CAMSAP3: variants seen among roughly 807,000 people sequenced by gnomAD.
CAMSAP3 encodes the protein calmodulin-regulated spectrin-associated protein 3.
Under a neutral mutation model 112.5 loss-of-function variants are expected in CAMSAP3, and 34 were observed. The observed-to-expected ratio is 0.30, with a 90% CI of 0.23 to 0.40. The LOEUF (loss-of-function observed/expected upper bound fraction) is 0.40, where lower values mean the gene tolerates loss of function less well. Among genes scored for constraint, CAMSAP3 ranks in the 10% least tolerant of loss-of-function variants. CAMSAP3 has a pLI of 1.00. For missense variants in CAMSAP3, 1,602 were observed against 1,770.3 expected, an observed-to-expected ratio of 0.90 and a Z score of 1.71; for synonymous variants, 868 against 799.8, an observed-to-expected ratio of 1.09 and a Z score of -1.44.
At position 7,607,695 on chromosome 19, in the gene CAMSAP3, T is replaced by C. The variant is rs1201304138; in HGVS notation, c.622-431T>C. 1 of 397,096 alleles carries C rather than the reference T, an allele frequency of 2.5e-6. No individual in the cohort carries two copies. Among genetic ancestry groups the C allele is most frequent in the Non-Finnish European group, 4.7e-6 (1 of 213,572 alleles). 24.6% of individuals were successfully genotyped at this position (397,096 alleles called of 1,614,324 possible). On this transcript the variant is annotated intron_variant, in intron 4 of 16. Coordinates refer to ENST00000160298, the MANE Select transcript of CAMSAP3 (RefSeq NM_020902.2). The surrounding 1 kb of genome is among the most constrained non-coding windows in gnomAD (Gnocchi z 4.9). ...GGGTTCGCGAAGCCGGCCAGAGCAG[T>C]CAGGGAGCTGGACGGCCGGGGCTCA... is the stretch of plus-strand genomic sequence containing the variant.
intron 1 of CAMSAP3, among the ~76,000 whole-genome samples, chr19:7,604,863 T>C (rs1284267018): frequency 2.0e-5 from 3 of 152,128 alleles, no homozygotes; most frequent in Non-Finnish European, 2.9e-5. Context: ...GCTCTTAGGA[T>C]TGCCGATGTT....
At position 7,615,762 on chromosome 19, in the gene CAMSAP3, G is replaced by A. The variant is rs2030750868; in HGVS notation, c.3112+43G>A. 8 of 1,327,926 alleles carry A rather than the reference G, an allele frequency of 6.0e-6. No homozygotes were observed. Among genetic ancestry groups the A allele is most frequent in the Non-Finnish European group, 7.7e-6 (8 of 1,039,324 alleles). 82.3% of individuals were successfully genotyped at this position (1,327,926 alleles called of 1,614,324 possible). On this transcript the variant is annotated intron_variant, in intron 13 of 16. Transcript: ENST00000160298. This position sits in a 1 kb window ranked among gnomAD's most constrained non-coding sequence, Gnocchi z 6.5. ...ACGGGGCCTGCCCAGTGCCCTTTCC[G>A]GGGCTCACTGGGTGAGGCCCCCATG...
chr19:7,611,267 C>A lies in CAMSAP3; in HGVS notation c.1123+99C>A, dbSNP rs1162654972. On this transcript the variant is annotated intron_variant, in intron 9 of 16. Coordinates refer to ENST00000160298, the MANE Select transcript of CAMSAP3 (RefSeq NM_020902.2). The surrounding 1 kb of genome is among the most constrained non-coding windows in gnomAD (Gnocchi z 6.9). ...GTCTCCTCGTGAGCCTTCCAATAGC[C>A]TCTCCATCAGATCCCCCTTGGGCAT... 4 of 1,226,704 alleles carry A rather than the reference C, an allele frequency of 3.3e-6. No homozygotes were observed. The highest frequency in any genetic ancestry group is 4.7e-6 in the Non-Finnish European group (4 of 847,156). The allele number at this position is 1,226,704 out of a possible 1,614,324, so 76.0% of individuals were successfully genotyped here.
rs201472976 is a variant in CAMSAP3 at position 7,605,272 on chromosome 19, C to T, written c.195C>T (p.Tyr65=). The change falls in exon 2 of 17, where the codon TAC becomes TAT. Residue 65 remains tyrosine (Y), a synonymous_variant. Transcript: ENST00000160298. ...GGGAGCCCTTCTATACCGACCAGTACGCGCAGGAGCATGTGAAGCCCCCGG... is the reference window on the plus strand; with the variant it reads ...GGGAGCCCTTCTATACCGACCAGTATGCGCAGGAGCATGTGAAGCCCCCGG... ...ELWEPFYTDQ[Y]AQEHVKPPVT... The T allele has an allele frequency of 2.6e-4, 425 of 1,608,792 alleles. 5 individuals carry two copies. In the South Asian group the frequency reaches 4.3e-3, roughly 16 times the overall value.
In CAMSAP3 at chr19:7,617,378, G is replaced by A. The variant is rs549080555; in HGVS notation, c.3265G>A (p.Glu1089Lys). Reference sequence around the variant, plus strand: ...CCCAAGCCGCCTGCCTGGAAGCCGCGAACGGGACTGGGAAAATGGCAGCAA... The same window carrying A: ...CCCAAGCCGCCTGCCTGGAAGCCGCAAACGGGACTGGGAAAATGGCAGCAA... ...MSPSRLPGSR[E>K]RDWENGSNAS... The change falls in exon 15 of 17, where the codon GAA becomes AAA. Residue 1089 changes from glutamate to lysine, a missense_variant. Coordinates refer to ENST00000160298, the MANE Select transcript of CAMSAP3 (RefSeq NM_020902.2). The surrounding 1 kb of genome is among the most constrained non-coding windows in gnomAD (Gnocchi z 7.5). The A allele has an allele frequency of 4.3e-6, 7 of 1,614,048 alleles. No individual in the cohort carries two copies. Among genetic ancestry groups the A allele is most frequent in the Non-Finnish European group, 5.9e-6 (7 of 1,180,002 alleles).
intron 5 of CAMSAP3, among the ~76,000 whole-genome samples, chr19:7,609,825 G>T (rs545898352): frequency 6.6e-6 from 1 of 152,152 alleles, no homozygotes; most frequent in South Asian, 2.1e-4. Flanking sequence ...TCCCTCACAC[G>T]CCAGGTTCAC....
intron 13 of CAMSAP3, 56 bp from the exon 14 acceptor site, chr19:7,616,467 G>C (rs954287306): frequency 8.2e-7 from 1 of 1,222,150 alleles, no homozygotes; most frequent in African/African-American, 1.5e-5. Context: ...GCTGGACCGG[G>C]TGTTGTGGAG....
At chr19:7,606,819 G>A in intron 4 of CAMSAP3, 1 of 1,613,690 alleles carries the variant, frequency 6.2e-7, no homozygotes, top group South Asian at 1.1e-5. Flanking sequence ...TGTAAGTGGG[G>A]CTGTCTGTCC....
intron 5 of CAMSAP3, among the ~76,000 whole-genome samples, chr19:7,608,997 T>A (rs1454775621): frequency 9.9e-5 from 15 of 151,806 alleles, no homozygotes; most frequent in Admixed American, 7.9e-4. Flanking sequence ...AAGCTTTTTT[T>A]AAAAAAACTC....
intron 1 of CAMSAP3, among the ~76,000 whole-genome samples, chr19:7,599,412 C>A: frequency 7.0e-6 from 1 of 142,208 alleles, no homozygotes; most frequent in African/African-American, 2.6e-5. Flanking sequence ...ATTCATTCAT[C>A]CATCCATCCA....
At chr19:7,603,200 CT>C (rs199963618) in intron 1 of CAMSAP3, among the ~76,000 whole-genome samples, 1 of 149,524 alleles carries the variant, frequency 6.7e-6, no homozygotes, top group African/African-American at 2.5e-5. Context: ...TCTTTCTTTT[CT>C]TTTTTTTTCT....
At chr19:7,603,917 T>A (rs1487856951) in intron 1 of CAMSAP3, among the ~76,000 whole-genome samples, 1 of 152,146 alleles carries the variant, frequency 6.6e-6, no homozygotes, top group African/African-American at 2.4e-5. Flanking sequence ...AGCAGATCGC[T>A]TGAGGTCAGG....
chr19:7,606,149 A>ACCCCCCCCCCCCCCCCCCCC, intron 2 of CAMSAP3, 122 bp from the exon 3 acceptor site: 1 of 135,318 alleles, frequency 7.4e-6, no homozygotes. Context: ...CCGCCCCCTC[A>ACCCCCCCCCCCCCCCCCCCC]AGCCCCACCC....
chr19:7,610,951 C>T lies in CAMSAP3; in HGVS notation c.1049+20C>T, dbSNP rs775907766. ...CAGTAGGTACGCTCCCCACACTGGGCGAGTCTCTGGCATTGTGGGTGTGGG... is the reference window on the plus strand; with the variant it reads ...CAGTAGGTACGCTCCCCACACTGGGTGAGTCTCTGGCATTGTGGGTGTGGG... On this transcript the variant is annotated intron_variant, in intron 8 of 16. Transcript: ENST00000160298. This position sits in a 1 kb window ranked among gnomAD's most constrained non-coding sequence, Gnocchi z 4.9. 51 of 1,577,900 alleles carry T rather than the reference C, an allele frequency of 3.2e-5. No homozygotes were observed. The South Asian group carries it at 3.4e-4, about 11-fold the overall frequency.
chr19:7,613,002 C>G lies in CAMSAP3; in HGVS notation c.2509C>G (p.Pro837Ala), dbSNP rs1292818593. ...LLAEETPPEE[P>A]AARPGLIEIP... ...GGCGGAGGAGACGCCCCCCGAGGAG[C>G]CAGCCGCCCGGCCGGGCCTCATCGA... Residue 837 changes from proline to alanine, a missense_variant, in exon 11 of 17, where the codon CCA becomes GCA. By Grantham distance (27) the Pro-to-Ala change is conservative (BLOSUM62 -1). Coordinates refer to ENST00000160298, the MANE Select transcript of CAMSAP3 (RefSeq NM_020902.2). The G allele has an allele frequency of 1.3e-6, 2 of 1,572,072 alleles. No individual in the cohort carries two copies. Among genetic ancestry groups the G allele is most frequent in the Non-Finnish European group, 1.7e-6 (2 of 1,161,296 alleles).
Position 7,611,410 on chromosome 19 carries a change from C to T in CAMSAP3, c.1124-107C>T. The T allele has an allele frequency of 9.2e-7, 1 of 1,086,424 alleles. No homozygotes were observed. The allele number at this position is 1,086,424 out of a possible 1,614,324, so 67.3% of individuals were successfully genotyped here. The stretch of plus-strand genomic sequence containing the variant: ...TGGTCTCACTAGACCACATAATGAG[C>T]CATCAGTGACTCACCCAATGACCTT... On this transcript the variant is annotated intron_variant, in intron 9 of 16. Transcript: ENST00000160298. The surrounding 1 kb of genome is among the most constrained non-coding windows in gnomAD (Gnocchi z 6.9).
At chr19:7,601,733 A>AAAATAAAATG in intron 1 of CAMSAP3, among the ~76,000 whole-genome samples, 1 of 150,224 alleles carries the variant, frequency 6.7e-6, no homozygotes, top group Non-Finnish European at 1.5e-5. Flanking sequence ...AAAATAAAAT[A>AAAATAAAATG]AAATAAAATA....
rs2030465045 is a variant in CAMSAP3, at chr19:7,611,153, C to G, written c.1108C>G (p.Leu370Val). ...GTCATCTGGTGGCCCCCAGTCCCCACTCCGAGGATCCACAGGTGAGGAGGG... is the reference window on the plus strand; with the variant it reads ...GTCATCTGGTGGCCCCCAGTCCCCAGTCCGAGGATCCACAGGTGAGGAGGG... The part of the protein sequence containing the change: ...LLSSGGPQSP[L>V]RGSTGSLKSS... The change falls in exon 9 of 17, where the codon CTC (leucine) becomes GTC (valine). Residue 370 changes from leucine to valine, a missense_variant. Leu to Val is a conservative substitution (Grantham distance 32). Around this residue, in one of 6 missense-constraint regions of CAMSAP3, gnomAD observed 1,100 missense variants for 1,135.7 expected, o/e 0.97. Transcript: ENST00000160298. This position sits in a 1 kb window ranked among gnomAD's most constrained non-coding sequence, Gnocchi z 6.9. The G allele has an allele frequency of 6.2e-7, 1 of 1,613,496 alleles. No homozygotes were observed. Among genetic ancestry groups the G allele is most frequent in the Non-Finnish European group, 8.5e-7 (1 of 1,179,964 alleles).
intron 4 of CAMSAP3, 146 bp downstream of exon 4, chr19:7,606,717 T>A: frequency 6.2e-7 from 1 of 1,609,496 alleles, no homozygotes; most frequent in South Asian, 1.1e-5. Flanking sequence ...AATCTCTCTG[T>A]GCCCTGCCCG....
Sources: allele counts gnomAD v4.1 joint callset (sites outside exome capture counted in the v4.1 genomes callset), GRCh38; gene constraint gnomAD v4.1.1; regional missense constraint gnomAD v4.1.1; non-coding constraint Gnocchi (gnomAD v3.1); transcripts MANE v1.5; gene names NCBI Gene and HGNC (gene_info 2026-07-23, HGNC 2026-07-21).